SORBS2: variants seen among roughly 807,000 people sequenced by gnomAD.
SORBS2 encodes sorbin and SH3 domain containing 2.
Under a neutral mutation model 97.7 loss-of-function variants are expected in SORBS2, and 46 were observed. The ratio of observed to expected loss-of-function variants is 0.47; its 90% confidence interval spans 0.37 to 0.60. SORBS2 has a LOEUF of 0.60. Among genes scored for constraint, SORBS2 ranks in the 20% least tolerant of loss-of-function variants. SORBS2 has a pLI of 0.00. For missense variants in SORBS2, 1,316 were observed against 1,282.3 expected, an observed-to-expected ratio of 1.03 and a Z score of -0.40; for synonymous variants, 476 against 473.4, an observed-to-expected ratio of 1.01 and a Z score of -0.07.
Position 185,623,067 on chromosome 4 carries a change from G to T in SORBS2, c.2062C>A (p.His688Asn), listed in dbSNP as rs2096744072. ...GGAGGCAGTGGGTGGAGAGGCTGGT[G>T]CAGGGGGCTCCTCCTCAGCGCTCTC... The change falls in exon 7 of 15, where the codon CAC (histidine) becomes AAC (asparagine). Residue 688 changes from histidine (H) to asparagine (N), a missense_variant. Transcript: ENST00000418609. This position sits in a 1 kb window ranked among gnomAD's most constrained non-coding sequence, Gnocchi z 6.4. The T allele has an allele frequency of 1.2e-6, 2 of 1,614,086 alleles. No homozygotes were observed. Among genetic ancestry groups the T allele is most frequent in the Non-Finnish European group, 1.7e-6 (2 of 1,180,056 alleles).
intron 1 of SORBS2, among the ~76,000 whole-genome samples, chr4:185,794,812 G>A (rs1286228784): frequency 6.0e-5 from 9 of 150,822 alleles, no homozygotes; most frequent in African/African-American, 2.2e-4. Flanking sequence ...TGGTGTCTGA[G>A]CATGATTGAA....
At chr4:185,941,082 T>A (rs770949049) in intron 1 of SORBS2, among the ~76,000 whole-genome samples, 2 of 152,204 alleles carry the variant, frequency 1.3e-5, no homozygotes, top group South Asian at 4.1e-4. Context: ...ATGCCATTCG[T>A]CTACTTCGTT....
intron 1 of SORBS2, among the ~76,000 whole-genome samples, chr4:185,836,629 A>G (rs1325018086): frequency 6.6e-6 from 1 of 152,190 alleles, no homozygotes; most frequent in East Asian, 1.9e-4. Context: ...AAAGTTTCAT[A>G]ATTTGCCAAG....
intron 2 of SORBS2, among the ~76,000 whole-genome samples, chr4:185,726,858 C>T (rs924265446): frequency 6.6e-6 from 1 of 152,008 alleles, no homozygotes; most frequent in Non-Finnish European, 1.5e-5. Flanking sequence ...GAGATGCATC[C>T]GGGAGGAGGG....
intron 1 of SORBS2, among the ~76,000 whole-genome samples, chr4:185,852,041 C>A (rs1297115798): frequency 6.6e-6 from 1 of 152,102 alleles, no homozygotes; most frequent in Non-Finnish European, 1.5e-5. Flanking sequence ...TAGCTTATAC[C>A]AGAAGATAAT....
At chr4:185,844,174 T>C (rs999514630) in intron 1 of SORBS2, among the ~76,000 whole-genome samples, 5 of 152,116 alleles carry the variant, frequency 3.3e-5, no homozygotes, top group African/African-American at 9.7e-5. Flanking sequence ...TGAACACTGA[T>C]AAATACACTG....
At chr4:185,883,505 C>T (rs778570522) in intron 1 of SORBS2, among the ~76,000 whole-genome samples, 8 of 152,104 alleles carry the variant, frequency 5.3e-5, no homozygotes, top group African/African-American at 1.4e-4. Flanking sequence ...TCCCACTGCT[C>T]GATTTTTATC....
chr4:185,588,596 T>TCCTCCTCCTC lies in SORBS2; in HGVS notation c.2954-918_2954-909dup, dbSNP rs1396489445. 5.5e-4 allele frequency among the ~76,000 whole-genome samples: 83 copies of TCCTCCTCCTC among 151,036 alleles called. 1 individual carries two copies. The highest frequency in any genetic ancestry group is 1.9e-3 in the African/African-American group (79 of 41,290). On this transcript the variant is annotated intron_variant, in intron 14 of 14. Coordinates refer to ENST00000418609, the Ensembl canonical transcript of SORBS2. ...CAAGCCATTTTACGTTTCTCCTCCC[T>TCCTCCTCCTC]CCTCCTCCTCCCTCCTCCTCCTCCT... is the stretch of plus-strand genomic sequence containing the variant.
intron 2 of SORBS2, among the ~76,000 whole-genome samples, chr4:185,679,502 T>A (rs1266312891): frequency 6.6e-6 from 1 of 152,242 alleles, no homozygotes; most frequent in Non-Finnish European, 1.5e-5. Context: ...GATATATTTG[T>A]TATCAATTTT....
intron 1 of SORBS2, among the ~76,000 whole-genome samples, chr4:185,780,007 AT>A (rs538693770): frequency 0.014 from 1,352 of 98,090 alleles, 5 homozygotes; most frequent in Middle Eastern, 0.026. Flanking sequence ...GTAGAGTAAC[AT>A]TTTTTTTTTT....
At chr4:185,940,489 C>G (rs372012821) in intron 1 of SORBS2, among the ~76,000 whole-genome samples, 5 of 152,294 alleles carry the variant, frequency 3.3e-5, no homozygotes, top group East Asian at 1.9e-4. Context: ...TCCAAGCCCC[C>G]CTCATCTCTC....
chr4:185,766,377 C>T (rs2098934153), intron 2 of SORBS2, among the ~76,000 whole-genome samples: 1 of 152,176 alleles, frequency 6.6e-6, no homozygotes, highest in Non-Finnish European at 1.5e-5. Context: ...GATAGTCTCC[C>T]ATTCTTAACC....
chr4:185,605,549 G>C (rs1248842631), intron 12 of SORBS2, among the ~76,000 whole-genome samples: 1 of 151,998 alleles, frequency 6.6e-6, no homozygotes, highest in Non-Finnish European at 1.5e-5. Context: ...CTCCCAAAGT[G>C]CTGGATTACA....
chr4:185,780,789 T>C (rs1367696649), intron 1 of SORBS2, among the ~76,000 whole-genome samples: 1 of 152,246 alleles, frequency 6.6e-6, no homozygotes, highest in Non-Finnish European at 1.5e-5. Context: ...TTTTGCCATC[T>C]GGGTTGAGGT....
rs755252574 is a variant in SORBS2 at position 185,684,868 on chromosome 4, A to G, written c.-197-6046T>C. 12 of 1,542,214 alleles carry G rather than the reference A, an allele frequency of 7.8e-6. No individual in the cohort carries two copies. The highest frequency in any genetic ancestry group is 1.2e-5 in the South Asian group (1 of 83,802). ...CTATCTGGAAGCAAAAAAATGATAT[A>G]GCAGAGGCCAAGGCAACGGGAAAAG... On this transcript the variant is annotated intron_variant, in intron 2 of 20. Transcript: ENST00000284776. This position sits in a 1 kb window ranked among gnomAD's most constrained non-coding sequence, Gnocchi z 4.2.
At chr4:185,729,061 T>A (rs933650875) in intron 2 of SORBS2, among the ~76,000 whole-genome samples, 1 of 152,226 alleles carries the variant, frequency 6.6e-6, no homozygotes, top group African/African-American at 2.4e-5. Context: ...TGTAATGCAT[T>A]TAGCACAGTG....
intron 1 of SORBS2, among the ~76,000 whole-genome samples, chr4:185,776,276 C>T (rs2098999202): frequency 6.6e-6 from 1 of 152,102 alleles, no homozygotes; most frequent in Non-Finnish European, 1.5e-5. Context: ...TAAATATTTT[C>T]CAGACTTTTT....
At chr4:185,811,184 A>T (rs1232936288) in intron 1 of SORBS2, 1 of 152,246 alleles carries the variant, frequency 6.6e-6, no homozygotes, top group African/African-American at 2.4e-5. Context: ...ATTATGACCC[A>T]CATAGAGAAC....
chr4:185,756,492 T>C (rs898033142), intron 2 of SORBS2, among the ~76,000 whole-genome samples: 7 of 152,152 alleles, frequency 4.6e-5, no homozygotes, highest in Non-Finnish European at 1.0e-4. Flanking sequence ...AAAAAATATT[T>C]AAGCCACCTA....
Sources: allele counts gnomAD v4.1 joint callset (sites outside exome capture counted in the v4.1 genomes callset), GRCh38; gene constraint gnomAD v4.1.1; non-coding constraint Gnocchi (gnomAD v3.1); transcripts MANE v1.5; gene names NCBI Gene and HGNC (gene_info 2026-07-23, HGNC 2026-07-21).